Variants in ZNF396 observed in about 807,000 individuals in gnomAD.
ZNF396 encodes zinc finger and SCAN domain-containing protein 14.
A neutral mutation model predicts 20.5 loss-of-function variants in ZNF396; 14 were observed. The observed-to-expected ratio is 0.68, with a 90% CI of 0.45 to 1.07. ZNF396 has a LOEUF of 1.07. Ranked by LOEUF, ZNF396 falls within the 50% of genes least tolerant of loss-of-function variation. ZNF396 has a pLI of 0.00. For synonymous variants in ZNF396, 119 were observed against 140.6 expected, an observed-to-expected ratio of 0.85 and a Z score of 1.08; for missense variants, 347 against 390.1, an observed-to-expected ratio of 0.89 and a Z score of 0.93.
At position 35,374,146 on chromosome 18, in the gene ZNF396, C is replaced by T; in HGVS notation, c.147G>A (p.Glu49=). 1.2e-6 allele frequency: 2 copies of T among 1,614,244 alleles called. No individual in the cohort carries two copies. The highest frequency in any genetic ancestry group is 1.7e-6 in the Non-Finnish European group (2 of 1,180,044). Residue 49 remains glutamate, a synonymous_variant, in exon 2 of 4, where the codon GAG becomes GAA. Transcript: ENST00000589332. The surrounding 1 kb of genome is among the most constrained non-coding windows in gnomAD (Gnocchi z 4.3). ...SLHWSSSYSP[E]TFRQQFRQFG... is the part of the protein sequence containing the mutation. ...ACTGCCTGAATTGCTGGCGGAAGGTCTCTGGGCTGTAGCTGCTGCTCCAGT... is the reference window on the plus strand; with the variant it reads ...ACTGCCTGAATTGCTGGCGGAAGGTTTCTGGGCTGTAGCTGCTGCTCCAGT...
In ZNF396 at chr18:35,374,112, G is replaced by C; in HGVS notation, c.181C>G (p.Gln61Glu). 1.2e-6 allele frequency: 2 copies of C among 1,614,232 alleles called. No individual in the cohort carries two copies. Among genetic ancestry groups the C allele is most frequent in the Non-Finnish European group, 1.7e-6 (2 of 1,180,042 alleles). ...GCCTCATGGGGCCCAGGTGAATCCT[G>C]GTAGCCAAACTGCCTGAATTGCTGG... ...FRQQFRQFGY[Q>E]DSPGPHEALS... The change falls in exon 2 of 4, where the codon CAG becomes GAG. Residue 61 changes from glutamine (Q) to glutamate (E), a missense_variant. Gln to Glu is a conservative substitution (Grantham distance 29, BLOSUM62 2). Coordinates refer to ENST00000589332, the MANE Select transcript of ZNF396 (RefSeq NM_001322286.2). The surrounding 1 kb of genome is among the most constrained non-coding windows in gnomAD (Gnocchi z 4.3).
intron 3 of ZNF396, among the ~76,000 whole-genome samples, chr18:35,370,040 A>C (rs945649402): frequency 4.6e-5 from 7 of 152,202 alleles, no homozygotes; most frequent in African/African-American, 1.4e-4. Flanking sequence ...CTGGAGTATC[A>C]ATAAATAAAT....
Position 35,374,219 on chromosome 18 carries a change from T to C in ZNF396, c.74A>G (p.Glu25Gly). 6.2e-7 allele frequency: 1 copy of C among 1,614,230 alleles called. No homozygotes were observed. The highest frequency in any genetic ancestry group is 8.5e-7 in the Non-Finnish European group (1 of 1,180,042). ...TSEECNGILT[E>G]KMEEEEQTCD... ...GGTCTGCTCTTCCTCTTCCATCTTC[T>C]CTGTCAGAATCCCATTACACTCCTC... is the stretch of plus-strand genomic sequence containing the variant. Residue 25 changes from glutamate to glycine, a missense_variant, in exon 2 of 4, where the codon GAG becomes GGG. By Grantham distance (98) the Glu-to-Gly change is moderately conservative. Coordinates refer to ENST00000589332, the MANE Select transcript of ZNF396 (RefSeq NM_001322286.2). This position sits in a 1 kb window ranked among gnomAD's most constrained non-coding sequence, Gnocchi z 4.3.
rs748816802 is a variant in ZNF396, at chr18:35,374,099, C to T, written c.194G>A (p.Gly65Glu). The T allele has an allele frequency of 4.3e-6, 7 of 1,614,212 alleles. No individual in the cohort carries two copies. The Admixed American group carries it at 1.2e-4, about 27-fold the overall frequency. Residue 65 changes from glycine to glutamate, a missense_variant, in exon 2 of 4, where the codon GGG becomes GAG. By Grantham distance (98) the Gly-to-Glu change is moderately conservative. Transcript: ENST00000589332. This position sits in a 1 kb window ranked among gnomAD's most constrained non-coding sequence, Gnocchi z 4.3. ...GAGCCGGCTCAGAGCCTCATGGGGCCCAGGTGAATCCTGGTAGCCAAACTG... is the reference window on the plus strand; with the variant it reads ...GAGCCGGCTCAGAGCCTCATGGGGCTCAGGTGAATCCTGGTAGCCAAACTG... ...FRQFGYQDSP[G>E]PHEALSRLWE...
At chr18:35,376,048 A>T (rs2045252904) in intron 1 of ZNF396, 1 of 152,138 alleles carries the variant, frequency 6.6e-6, no homozygotes, top group African/African-American at 2.4e-5. Context: ...CGGTCTAATC[A>T]TATTTTTTAA....
At position 35,374,432 on chromosome 18, in the gene ZNF396, T is replaced by A; in HGVS notation, c.-72-68A>T. 1 of 775,658 alleles carries A rather than the reference T, an allele frequency of 1.3e-6. No homozygotes were observed. Among genetic ancestry groups the A allele is most frequent in the Non-Finnish European group, 2.0e-6 (1 of 496,006 alleles). 48.0% of individuals were successfully genotyped at this position (775,658 alleles called of 1,614,324 possible). On this transcript the variant is annotated intron_variant, in intron 1 of 3. Transcript: ENST00000589332. The surrounding 1 kb of genome is among the most constrained non-coding windows in gnomAD (Gnocchi z 4.3). ...CAAATGCTTCTTAGAACAAAACAACTAAGATTAGAAACATAAGACTGTATA... is the reference window on the plus strand; with the variant it reads ...CAAATGCTTCTTAGAACAAAACAACAAAGATTAGAAACATAAGACTGTATA...
Position 35,373,934 on chromosome 18 carries a change from C to T in ZNF396, c.359G>A (p.Gly120Glu). Reference sequence around the variant, plus strand: ...CTCCAGCATAGTCACAGTTTCCTCTCCATTCTCTGGATGATGCTTCTGCAC... The same window carrying T: ...CTCCAGCATAGTCACAGTTTCCTCTTCATTCTCTGGATGATGCTTCTGCAC... ...AWVQKHHPEN[G>E]EETVTMLEDV... The change falls in exon 2 of 4, where the codon GGA becomes GAA. Residue 120 changes from glycine (G) to glutamate (E), a missense_variant. Transcript: ENST00000589332. The T allele has an allele frequency of 6.2e-7, 1 of 1,614,238 alleles. No homozygotes were observed. Among genetic ancestry groups the T allele is most frequent in the Non-Finnish European group, 8.5e-7 (1 of 1,180,044 alleles).
intron 3 of ZNF396, chr18:35,371,669 A>G (rs1398550898): frequency 6.6e-6 from 1 of 152,196 alleles, no homozygotes; most frequent in African/African-American, 2.4e-5. Flanking sequence ...TTAACCCATT[A>G]ATCCATGAAT....
In ZNF396 at chr18:35,373,476, A is replaced by C. The variant is rs202174493; in HGVS notation, c.542T>G (p.Leu181Arg). 1.3e-5 allele frequency: 21 copies of C among 1,613,974 alleles called. No individual in the cohort carries two copies. The highest frequency in any genetic ancestry group is 1.7e-5 in the Non-Finnish European group (20 of 1,179,964). The change falls in exon 3 of 4, where the codon CTT (leucine) becomes CGT (arginine). Residue 181 changes from leucine (L) to arginine (R), a missense_variant. Coordinates refer to ENST00000589332, the MANE Select transcript of ZNF396 (RefSeq NM_001322286.2). ...KKQLQGASWE[L>R]QSLRPHDEDI... ...CTCACCATGTGGTCTTAAGGACTGA[A>C]GCTCCCATGATGCTCCCTGGAGCTG... is the stretch of plus-strand genomic sequence containing the variant.
At chr18:35,373,239 G>T in intron 3 of ZNF396, 1 of 551,736 alleles carries the variant, frequency 1.8e-6, no homozygotes, top group Non-Finnish European at 2.9e-6. Context: ...CAGATGTCAG[G>T]GATTTAAAGT....
Position 35,367,192 on chromosome 18 carries a change from T to A in ZNF396, c.*2023A>T, listed in dbSNP as rs2045108423. ...ATCCTACATTTTTAGTGACTCAAGA[T>A]ACACACAACTCAATATAAAATTCAT... is the stretch of plus-strand genomic sequence containing the variant. On this transcript the variant is annotated 3_prime_UTR_variant, in exon 4 of 4. Coordinates refer to ENST00000589332, the MANE Select transcript of ZNF396 (RefSeq NM_001322286.2). 1 of 152,242 alleles carries A rather than the reference T, an allele frequency of 6.6e-6. No individual in the cohort carries two copies. Among genetic ancestry groups the A allele is most frequent in the African/African-American group, 2.4e-5 (1 of 41,466 alleles). The allele number at this position is 152,242 out of a possible 1,614,324, so 9.4% of individuals were successfully genotyped here.
Position 35,369,140 on chromosome 18 carries a change from A to G in ZNF396, c.*75T>C, listed in dbSNP as rs1397501807. The G allele has an allele frequency of 1.4e-6, 2 of 1,464,354 alleles. No homozygotes were observed. Among genetic ancestry groups the G allele is most frequent in the Admixed American group, 5.6e-5 (2 of 35,956 alleles). 90.7% of individuals were successfully genotyped at this position (1,464,354 alleles called of 1,614,324 possible). A position where few individuals can be genotyped will look rare whatever the true frequency, so the allele number is the denominator to read the frequency against. The stretch of plus-strand genomic sequence containing the variant: ...CTTACTAAGACCACTGATTTGTACT[A>G]AGGAGCGTTTGCATCTGGTGTCTTC... On this transcript the variant is annotated 3_prime_UTR_variant, in exon 4 of 4. Transcript: ENST00000589332.
intron 1 of ZNF396, among the ~76,000 whole-genome samples, chr18:35,375,752 G>T (rs1162702321): frequency 2.0e-5 from 3 of 151,882 alleles, no homozygotes; most frequent in Non-Finnish European, 4.4e-5. Context: ...TTGTTGTTTT[G>T]TTTTGTTTGA....
Position 35,370,752 on chromosome 18 carries a change from A to T in ZNF396, c.563-1092T>A, listed in dbSNP as rs538791238. The stretch of plus-strand genomic sequence containing the variant: ...ATGGTCTCGATCTCCTGACCTCGTG[A>T]TCCGCCCGCCTCGGCCTCCCAAAGT... On this transcript the variant is annotated intron_variant, in intron 3 of 3. Transcript: ENST00000589332. 3.4e-3 allele frequency among the ~76,000 whole-genome samples: 523 copies of T among 151,914 alleles called. 1 individual carries two copies. The highest frequency in any genetic ancestry group is 4.9e-3 in the Non-Finnish European group (333 of 67,930).
rs1378161372 is a variant in ZNF396, at chr18:35,373,756, T to C, written c.417+120A>G. On this transcript the variant is annotated intron_variant, in intron 2 of 3. Transcript: ENST00000589332. ...TATTTGCTGGGACACCCATTAGTAC[T>C]TTCACCCCTATACATCCAGTTGTGC... The C allele has an allele frequency of 3.1e-5, 46 of 1,497,412 alleles. No homozygotes were observed. In the East Asian group the frequency reaches 1.0e-3, roughly 33 times the overall value. The allele number at this position is 1,497,412 out of a possible 1,614,324, so 92.8% of individuals were successfully genotyped here. A position where few individuals can be genotyped will look rare whatever the true frequency, so the allele number is the denominator to read the frequency against.
Position 35,374,518 on chromosome 18 carries a change from A to G in ZNF396, c.-72-154T>C. 7.8e-6 allele frequency: 3 copies of G among 384,130 alleles called. No individual in the cohort carries two copies. The South Asian group carries it at 9.1e-5, about 12-fold the overall frequency. 23.8% of individuals were successfully genotyped at this position (384,130 alleles called of 1,614,324 possible). A position where few individuals can be genotyped will look rare whatever the true frequency, so the allele number is the denominator to read the frequency against. ...TTTTATTTATTTATTTATTTTTGAGATGGAGTCTTGCTCTGTTGCCCAGGC... is the reference window on the plus strand; with the variant it reads ...TTTTATTTATTTATTTATTTTTGAGGTGGAGTCTTGCTCTGTTGCCCAGGC... On this transcript the variant is annotated intron_variant, in intron 1 of 3. Transcript: ENST00000589332. This position sits in a 1 kb window ranked among gnomAD's most constrained non-coding sequence, Gnocchi z 4.3.
In ZNF396 at chr18:35,368,847, C is replaced by T; in HGVS notation, c.*368G>A. 9.9e-7 allele frequency: 1 copy of T among 1,009,664 alleles called. No individual in the cohort carries two copies. Among genetic ancestry groups the T allele is most frequent in the Non-Finnish European group, 1.2e-6 (1 of 846,544 alleles). 62.5% of individuals were successfully genotyped at this position (1,009,664 alleles called of 1,614,324 possible). On this transcript the variant is annotated 3_prime_UTR_variant, in exon 4 of 4. Coordinates refer to ENST00000589332, the MANE Select transcript of ZNF396 (RefSeq NM_001322286.2). ...GAATGTCTATTTTTACACTGAGTAA[C>T]TCACACATTCCTTCTCAATGAGGGA...
intron 1 of ZNF396, 132 bp downstream of exon 1, chr18:35,377,146 G>A (rs1220747022): frequency 6.6e-6 from 1 of 152,546 alleles, no homozygotes; most frequent in Non-Finnish European, 1.5e-5. Context: ...ACGGTGTAAG[G>A]GTGCTGCACT....
In ZNF396 at chr18:35,368,402, C is replaced by CAGA. The variant is rs2045122685; in HGVS notation, c.*812_*813insTCT. 2.1e-6 allele frequency: 3 copies of CAGA among 1,457,082 alleles called. No homozygotes were observed. The highest frequency in any genetic ancestry group is 2.1e-5 in the Admixed American group (1 of 46,850). 90.3% of individuals were successfully genotyped at this position (1,457,082 alleles called of 1,614,324 possible). ...GGCACTTCAGCCTAGTCTTGAAGTA[C>CAGA]ATATTCTTTTGGGCCTCTGCAATCG... On this transcript the variant is annotated 3_prime_UTR_variant, in exon 4 of 4. Coordinates refer to ENST00000589332, the MANE Select transcript of ZNF396 (RefSeq NM_001322286.2).
Sources: gnomAD v4.1 joint callset for allele counts (sites outside exome capture counted in the v4.1 genomes callset) on GRCh38, gnomAD v4.1.1 for gene constraint, Gnocchi (gnomAD v3.1) non-coding constraint, MANE v1.5 for transcripts, NCBI Gene and HGNC (gene_info 2026-07-23, HGNC 2026-07-21) for gene names.